The following VTI1B variants were observed in gnomAD, a reference collection of about 807,000 sequenced individuals.
VTI1B encodes vesicle transport through interaction with t-SNAREs homolog 1B.
VTI1B carries 18 observed loss-of-function variants against 28.6 expected under a neutral mutation model. That is an observed-to-expected ratio of 0.63 (90% CI 0.43 to 0.93). The LOEUF (loss-of-function observed/expected upper bound fraction) is 0.93. VTI1B is among the 40% of genes least tolerant of loss of function. The pLI, the probability that VTI1B is intolerant of heterozygous loss-of-function variation, is 0.00. For missense variants in VTI1B, 283 were observed against 297.0 expected (o/e 0.95, Z 0.35); for synonymous variants, 100 against 107.9 (o/e 0.93, Z 0.46).
At chr14:67,671,427 G>A (rs888172390) in intron 1 of VTI1B, among the ~76,000 whole-genome samples, 2 of 152,144 alleles carry the variant, frequency 1.3e-5, no homozygotes, top group African/African-American at 4.8e-5. Context: ...TCGGAAGGCT[G>A]AGGCATGAGA....
chr14:67,655,976 T>C (rs1407938961), intron 4 of VTI1B, among the ~76,000 whole-genome samples: 4 of 152,186 alleles, frequency 2.6e-5, no homozygotes, highest in Admixed American at 2.6e-4. Flanking sequence ...CCGGGCACAG[T>C]GGCTCACGCC....
intron 4 of VTI1B, among the ~76,000 whole-genome samples, chr14:67,654,807 A>T (rs2037232970): frequency 6.6e-6 from 1 of 152,044 alleles, no homozygotes; most frequent in Non-Finnish European, 1.5e-5. Flanking sequence ...AGGCGGGCAG[A>T]TCATGAGGTT....
At position 67,651,243 on chromosome 14, in the gene VTI1B, C is replaced by T; in HGVS notation, c.*142G>A. On this transcript the variant is annotated 3_prime_UTR_variant, in exon 6 of 6. Coordinates refer to ENST00000554659, the MANE Select transcript of VTI1B (RefSeq NM_006370.3). ...ACATTTAAGTGGTTTTTCATCTTTC[C>T]TCCCTCCTCCCACAGCCTGGCTATA... 1.3e-6 allele frequency: 2 copies of T among 1,498,712 alleles called. No homozygotes were observed. The highest frequency in any genetic ancestry group is 2.3e-5 in the Admixed American group (1 of 43,466). The allele number at this position is 1,498,712 out of a possible 1,614,324, so 92.8% of individuals were successfully genotyped here.
chr14:67,650,788 A>G lies in VTI1B; in HGVS notation c.*597T>C. Reference sequence around the variant, plus strand: ...CCTCAGAGGAAGAGGCGAAGACTACAGCTAACCTGGCAGTAGATGTGATTG... The same window carrying G: ...CCTCAGAGGAAGAGGCGAAGACTACGGCTAACCTGGCAGTAGATGTGATTG... On this transcript the variant is annotated 3_prime_UTR_variant, in exon 6 of 6. Transcript: ENST00000554659. 17 of 1,614,212 alleles carry G rather than the reference A, an allele frequency of 1.1e-5. No homozygotes were observed. The highest frequency in any genetic ancestry group is 1.4e-5 in the Non-Finnish European group (17 of 1,180,024).
intron 2 of VTI1B, among the ~76,000 whole-genome samples, chr14:67,661,660 T>G (rs552036408): frequency 6.6e-6 from 1 of 151,072 alleles, no homozygotes; most frequent in African/African-American, 2.4e-5. Context: ...GCCTCCTGAG[T>G]AGCTGGGTCC....
chr14:67,656,628 A>T, intron 3 of VTI1B, 39 bp from the exon 4 acceptor site: 1 of 1,565,720 alleles, frequency 6.4e-7, no homozygotes, highest in Non-Finnish European at 8.7e-7. Flanking sequence ...GACTTTTTCC[A>T]TTATAAATTC....
chr14:67,659,863 C>T lies in VTI1B; in HGVS notation c.234G>A (p.Met78Ile), dbSNP rs202226867. 52 of 1,614,074 alleles carry T rather than the reference C, an allele frequency of 3.2e-5. No individual in the cohort carries two copies. The highest frequency in any genetic ancestry group is 3.3e-4 in the Middle Eastern group (2 of 6,084). ...CCTTCCGGTAGTTTCGAAGCTTAGA[C>T]ATCATGGGGTTTCGGAAAGACAGGG... is the stretch of plus-strand genomic sequence containing the variant. Reference protein sequence around the residue: ...YAPLSFRNPMMSKLRNYRKDL... With the variant: ...YAPLSFRNPMISKLRNYRKDL... Residue 78 changes from methionine (M) to isoleucine (I), a missense_variant, in exon 3 of 6, where the codon ATG becomes ATA. Transcript: ENST00000554659.
intron 1 of VTI1B, among the ~76,000 whole-genome samples, chr14:67,669,584 A>C (rs148817128): frequency 1.3e-5 from 2 of 152,168 alleles, no homozygotes; most frequent in African/African-American, 4.8e-5. Context: ...GTTATTTTTA[A>C]TGGCAGAAGA....
intron 3 of VTI1B, among the ~76,000 whole-genome samples, chr14:67,657,598 G>GCACGCACA (rs1221889562): frequency 8.0e-5 from 9 of 112,422 alleles, no homozygotes; most frequent in African/African-American, 2.8e-4. Flanking sequence ...GCGCGCGCGT[G>GCACGCACA]CACACACACA....
chr14:67,655,924 G>A (rs60782801), intron 4 of VTI1B, among the ~76,000 whole-genome samples: 2,342 of 152,100 alleles, frequency 0.015, 74 homozygotes, highest in African/African-American at 0.053. Context: ...TGCTTCTAAG[G>A]GACATCTCTC....
At chr14:67,655,209 C>A (rs1468954606) in intron 4 of VTI1B, among the ~76,000 whole-genome samples, 1 of 151,864 alleles carries the variant, frequency 6.6e-6, no homozygotes, top group Non-Finnish European at 1.5e-5. Context: ...GGCACAGTAG[C>A]ACATGCCTGT....
chr14:67,659,623 A>G, intron 3 of VTI1B, 108 bp downstream of exon 3: 2 of 1,132,370 alleles, frequency 1.8e-6, no homozygotes, highest in Non-Finnish European at 2.4e-6. Context: ...AAAATGAAAC[A>G]AGAGTCTAGT....
intron 1 of VTI1B, among the ~76,000 whole-genome samples, chr14:67,673,428 A>G (rs2037493997): frequency 6.6e-6 from 1 of 152,208 alleles, no homozygotes; most frequent in Admixed American, 6.5e-5. Context: ...GTATTCTTTA[A>G]CACTGCCTCT....
At chr14:67,670,454 T>A (rs1460304543) in intron 1 of VTI1B, among the ~76,000 whole-genome samples, 3 of 152,178 alleles carry the variant, frequency 2.0e-5, no homozygotes, top group Non-Finnish European at 4.4e-5. Flanking sequence ...TATATTCAGT[T>A]TGAAGTTTTT....
At position 67,647,142 on chromosome 14, in the gene VTI1B, T is replaced by C; in HGVS notation, c.*4243A>G. Reference sequence around the variant, plus strand: ...ACAAAGCAAAAACATACACATAATTTTAAATAGTTCAGAAAGGCAAAATTT... The same window carrying C: ...ACAAAGCAAAAACATACACATAATTCTAAATAGTTCAGAAAGGCAAAATTT... On this transcript the variant is annotated 3_prime_UTR_variant, in exon 6 of 6. Transcript: ENST00000554659. The C allele has an allele frequency of 2.8e-6, 2 of 712,436 alleles. No individual in the cohort carries two copies. The highest frequency in any genetic ancestry group is 4.6e-6 in the Non-Finnish European group (2 of 433,804). 44.1% of individuals were successfully genotyped at this position (712,436 alleles called of 1,614,324 possible).
At position 67,651,267 on chromosome 14, in the gene VTI1B, T is replaced by C; in HGVS notation, c.*118A>G. 5.7e-6 allele frequency: 9 copies of C among 1,577,670 alleles called. No homozygotes were observed. Among genetic ancestry groups the C allele is most frequent in the Non-Finnish European group, 7.7e-6 (9 of 1,161,948 alleles). On this transcript the variant is annotated 3_prime_UTR_variant, in exon 6 of 6. Coordinates refer to ENST00000554659, the MANE Select transcript of VTI1B (RefSeq NM_006370.3). ...CCTCCCTCCTCCCACAGCCTGGCTA[T>C]ACAGTGCATCCTTGAACTGTCAGCC...
At chr14:67,660,676 C>A (rs1021489701) in intron 2 of VTI1B, among the ~76,000 whole-genome samples, 1 of 152,194 alleles carries the variant, frequency 6.6e-6, no homozygotes, top group African/African-American at 2.4e-5. Flanking sequence ...GGGAATCAGA[C>A]TTCCATTTTT....
intron 1 of VTI1B, among the ~76,000 whole-genome samples, 158 bp downstream of exon 1, chr14:67,674,217 C>A (rs1303537749): frequency 6.6e-6 from 1 of 152,238 alleles, no homozygotes; most frequent in Non-Finnish European, 1.5e-5. Context: ...TCAGTGGCAG[C>A]AGGGAGACCT....
At chr14:67,654,702 A>G (rs1394809249) in intron 4 of VTI1B, among the ~76,000 whole-genome samples, 1 of 152,126 alleles carries the variant, frequency 6.6e-6, no homozygotes, top group African/African-American at 2.4e-5. Context: ...TTCTGCTATT[A>G]AGAATACAGC....
Sources: gnomAD v4.1 joint callset for allele counts (sites outside exome capture counted in the v4.1 genomes callset) on GRCh38, gnomAD v4.1.1 for gene constraint, MANE v1.5 for transcripts, NCBI Gene and HGNC (gene_info 2026-07-23, HGNC 2026-07-21) for gene names.